The following AAK1 variants were observed in gnomAD, a reference collection of about 807,000 sequenced individuals.
The protein encoded by AAK1 is AP2 associated kinase 1.
A neutral mutation model predicts 116.0 loss-of-function variants in AAK1; 37 were observed. The ratio of observed to expected loss-of-function variants is 0.32; its 90% CI spans 0.25 to 0.42. The LOEUF is 0.42. AAK1 is among the 10% of genes least tolerant of loss of function. AAK1 has a pLI of 1.00. For missense variants in AAK1, 919 were observed against 1,170.6 expected (o/e 0.79, Z 3.14); for synonymous variants, 458 against 439.9 (o/e 1.04, Z -0.51).
At chr2:69,511,652 G>A (rs1676401088) in intron 13 of AAK1, among the ~76,000 whole-genome samples, 1 of 152,202 alleles carries the variant, frequency 6.6e-6, no homozygotes, top group South Asian at 2.1e-4. Flanking sequence ...ATTTTGAAGA[G>A]TCCAGTGACA....
At chr2:69,546,770 C>T (rs1378135756) in intron 3 of AAK1, among the ~76,000 whole-genome samples, 2 of 151,730 alleles carry the variant, frequency 1.3e-5, no homozygotes, top group Non-Finnish European at 2.9e-5. Flanking sequence ...GTCATGAGGG[C>T]AGAGCCCTCA....
At position 69,480,485 on chromosome 2, in the gene AAK1, T is replaced by C. The variant is rs937272335; in HGVS notation, c.2569+375A>G. Among the ~76,000 whole-genome samples the C allele has an allele frequency of 6.6e-5, 10 of 152,220 alleles. No individual in the cohort carries two copies. In the South Asian group the frequency reaches 1.2e-3, roughly 19 times the overall value. On this transcript the variant is annotated intron_variant, in intron 19 of 21. Coordinates refer to ENST00000409085, the MANE Select transcript of AAK1 (RefSeq NM_014911.5). Reference sequence around the variant, plus strand: ...ATGAGCTCCACGGACATCACTGGCATTGGCAGACTGGAAAGATGTACAGCA... The same window carrying C: ...ATGAGCTCCACGGACATCACTGGCACTGGCAGACTGGAAAGATGTACAGCA...
At chr2:69,612,140 T>C (rs1292492634) in intron 2 of AAK1, among the ~76,000 whole-genome samples, 1 of 152,228 alleles carries the variant, frequency 6.6e-6, no homozygotes, top group African/African-American at 2.4e-5. Context: ...GAACTTAAAG[T>C]ATAATAAAAA....
At chr2:69,548,950 A>G (rs902426689) in intron 3 of AAK1, among the ~76,000 whole-genome samples, 1 of 152,064 alleles carries the variant, frequency 6.6e-6, no homozygotes, top group Non-Finnish European at 1.5e-5. Context: ...GCCCTCAGCC[A>G]ATCTACAGAC....
chr2:69,599,944 AT>A (rs57552852), intron 2 of AAK1, among the ~76,000 whole-genome samples: 3,935 of 138,308 alleles, frequency 0.028, 95 homozygotes, highest in African/African-American at 0.078. Context: ...TATCCAGCTA[AT>A]TTTTTTTTTT....
chr2:69,475,566 T>C lies in AAK1; in HGVS notation c.*303A>G, dbSNP rs1036968284. ...AGTTACAGTTAAGCTTTTGGTGGAGTTGATTCCAGCAGAGGTGAAGCTCAT... is the reference window on the plus strand; with the variant it reads ...AGTTACAGTTAAGCTTTTGGTGGAGCTGATTCCAGCAGAGGTGAAGCTCAT... On this transcript the variant is annotated 3_prime_UTR_variant, in exon 22 of 22. Transcript: ENST00000409085. 6.3e-6 allele frequency: 7 copies of C among 1,108,106 alleles called. No individual in the cohort carries two copies. The African/African-American group carries it at 8.1e-5, about 13-fold the overall frequency. 68.6% of individuals were successfully genotyped at this position (1,108,106 alleles called of 1,614,324 possible).
intron 2 of AAK1, among the ~76,000 whole-genome samples, chr2:69,622,821 A>C (rs1049997349): frequency 6.6e-6 from 1 of 152,166 alleles, no homozygotes; most frequent in African/African-American, 2.4e-5. Context: ...CTCCGCATCT[A>C]GCTAATCTAG....
At chr2:69,519,381 ATGC>A in intron 11 of AAK1, 141 bp from the exon 12 acceptor site, 1 of 1,212,552 alleles carries the variant, frequency 8.2e-7, no homozygotes, top group East Asian at 2.7e-5. Flanking sequence ...GTCTTTCCAC[ATGC>A]TCTGTCCCAC....
At chr2:69,504,053 T>A (rs1454717244) in intron 16 of AAK1, among the ~76,000 whole-genome samples, 4 of 151,138 alleles carry the variant, frequency 2.6e-5, no homozygotes, top group African/African-American at 4.9e-5. Flanking sequence ...GTAGGAGATA[T>A]GTGCCAGGTT....
intron 17 of AAK1, among the ~76,000 whole-genome samples, chr2:69,488,105 AT>A (rs1162245901): frequency 1.3e-5 from 2 of 151,312 alleles, no homozygotes; most frequent in African/African-American, 4.9e-5. Context: ...GCTTACTCTG[AT>A]ATTTTTAGAA....
chr2:69,607,520 A>G (rs1673862996), intron 2 of AAK1, among the ~76,000 whole-genome samples: 1 of 152,200 alleles, frequency 6.6e-6, no homozygotes, highest in Non-Finnish European at 1.5e-5. Context: ...AATGGTACTC[A>G]GGAATAAAAT....
In AAK1 at chr2:69,475,891, A is replaced by C. The variant is rs541004191; in HGVS notation, c.2864T>G (p.Val955Gly). The C allele has an allele frequency of 1.2e-6, 2 of 1,612,166 alleles. No homozygotes were observed. The highest frequency in any genetic ancestry group is 1.7e-6 in the Non-Finnish European group (2 of 1,179,234). ...LPNLARSLLLVDQLIDL is the reference protein window; with the variant it reads ...LPNLARSLLLGDQLIDL ...CGGCTACAGGTCTATGAGCTGATCC[A>C]CCAGCAGTAAAGACCTGGCTAGGTT... Residue 955 changes from valine (V) to glycine (G), a missense_variant, in exon 22 of 22, where the codon GTG becomes GGG. Physicochemically the swap from Val to Gly is moderately radical, Grantham distance 109. Around this residue, in one of 4 missense-constraint regions of AAK1, gnomAD observed 263 missense variants for 285.5 expected, o/e 0.92. Transcript: ENST00000409085.
chr2:69,640,830 G>A (rs1042985535), intron 2 of AAK1, among the ~76,000 whole-genome samples: 4 of 152,106 alleles, frequency 2.6e-5, no homozygotes, highest in African/African-American at 9.7e-5. Flanking sequence ...CCTAAAACTG[G>A]GGGCCACTGC....
intron 9 of AAK1, among the ~76,000 whole-genome samples, chr2:69,525,636 G>C (rs1196646646): frequency 6.6e-6 from 1 of 152,140 alleles, no homozygotes; most frequent in Non-Finnish European, 1.5e-5. Flanking sequence ...CCCAACATGT[G>C]AGGCACTACT....
intron 2 of AAK1, among the ~76,000 whole-genome samples, chr2:69,570,066 C>T (rs1016709523): frequency 2.6e-5 from 4 of 152,048 alleles, no homozygotes; most frequent in African/African-American, 7.3e-5. Flanking sequence ...ATACCAACAA[C>T]GTGATTGTAC....
At chr2:69,630,343 G>C (rs1675115689) in intron 2 of AAK1, among the ~76,000 whole-genome samples, 1 of 135,708 alleles carries the variant, frequency 7.4e-6, no homozygotes, top group African/African-American at 2.6e-5. Flanking sequence ...CGGGGGGTGG[G>C]GGGGGAGGGG....
chr2:69,638,726 C>G (rs1020730712), intron 2 of AAK1, among the ~76,000 whole-genome samples: 2 of 152,238 alleles, frequency 1.3e-5, no homozygotes, highest in Non-Finnish European at 2.9e-5. Context: ...TAACCCCCAT[C>G]TGGAACATCT....
chr2:69,500,585 G>A (rs1675927335), intron 16 of AAK1, among the ~76,000 whole-genome samples: 2 of 150,282 alleles, frequency 1.3e-5, no homozygotes, highest in African/African-American at 4.9e-5. Flanking sequence ...TGCCTCAAGT[G>A]CTTGATACAT....
chr2:69,468,248 C>T lies in AAK1; in HGVS notation c.*7621G>A. 1 of 985,352 alleles carries T rather than the reference C, an allele frequency of 1.0e-6. No homozygotes were observed. The highest frequency in any genetic ancestry group is 1.2e-6 in the Non-Finnish European group (1 of 829,874). The allele number at this position is 985,352 out of a possible 1,614,324, so 61.0% of individuals were successfully genotyped here. On this transcript the variant is annotated 3_prime_UTR_variant, in exon 22 of 22. Coordinates refer to ENST00000409085, the MANE Select transcript of AAK1 (RefSeq NM_014911.5). The stretch of plus-strand genomic sequence containing the variant: ...TGCGATTTATGTGGACAGACATAAT[C>T]CTAATTTCTCAGGCAAGTAAATTGA...
Sources: allele counts gnomAD v4.1 joint callset (sites outside exome capture counted in the v4.1 genomes callset), GRCh38; gene constraint gnomAD v4.1.1; regional missense constraint gnomAD v4.1.1; transcripts MANE v1.5; gene names NCBI Gene and HGNC (gene_info 2026-07-23, HGNC 2026-07-21).